TMEM223: variants seen among roughly 807,000 people sequenced by gnomAD.
TMEM223 encodes the protein transmembrane protein 223.
TMEM223 carries 14 observed loss-of-function variants against 14.1 expected under a neutral mutation model. That is an observed-to-expected ratio of 0.99 (90% CI 0.66 to 1.55). TMEM223 has a LOEUF of 1.55. Ranked by LOEUF, TMEM223 falls within the 40% of genes most tolerant of loss-of-function variation. The pLI, the probability that TMEM223 is intolerant of heterozygous loss-of-function variation, is 0.00. For synonymous variants in TMEM223, 145 were observed against 120.5 expected (o/e 1.20, Z -1.33); for missense variants, 346 against 269.9 (o/e 1.28, Z -1.97).
downstream of TMEM223, chr11:62,782,574 C>A: frequency 6.9e-7 from 1 of 1,450,848 alleles, no homozygotes; most frequent in Non-Finnish European, 9.4e-7. Context: ...CAGCCTTCTT[C>A]ACTTAACCCC....
chr11:62,790,074 C>T lies in TMEM223; in HGVS notation c.*549G>A, dbSNP rs1224713770. ...GAATAAGCGGAGTGCTTCCTGCAGCCGAAGACTCCATGCCCAAGTGCCTGT... is the reference window on the plus strand; with the variant it reads ...GAATAAGCGGAGTGCTTCCTGCAGCTGAAGACTCCATGCCCAAGTGCCTGT... On this transcript the variant is annotated 3_prime_UTR_variant, in exon 2 of 2. Coordinates refer to ENST00000307366, the MANE Select transcript of TMEM223 (RefSeq NM_001080501.3). 7.6e-6 allele frequency: 12 copies of T among 1,580,214 alleles called. No individual in the cohort carries two copies. Among genetic ancestry groups the T allele is most frequent in the Admixed American group, 1.8e-5 (1 of 56,686 alleles).
At chr11:62,787,569 C>G (rs373062319), downstream of TMEM223, 6 of 1,495,794 alleles carry the variant, frequency 4.0e-6, no homozygotes, top group Middle Eastern at 2.4e-4. Flanking sequence ...GGGAGCTGGC[C>G]GGTCTGGACA....
At chr11:62,772,867 G>A (rs1291368167) in intron 2 of TMEM223, among the ~76,000 whole-genome samples, 2 of 144,668 alleles carry the variant, frequency 1.4e-5, no homozygotes, top group Non-Finnish European at 3.0e-5. Flanking sequence ...TTTTTTGTTT[G>A]TTTTTGTTTT....
At chr11:62,778,572 C>T in intron 1 of TMEM223, 1 of 622,744 alleles carries the variant, frequency 1.6e-6, no homozygotes, top group Non-Finnish European at 2.8e-6. Flanking sequence ...GTCTGGGCAG[C>T]ATGCTGGGGC....
chr11:62,783,994 C>T (rs2084250111), downstream of TMEM223, among the ~76,000 whole-genome samples: 1 of 2,224 alleles, frequency 4.5e-4, no homozygotes, highest in African/African-American at 1.9e-3. Flanking sequence ...GGCGCCACTA[C>T]ACTCCAGCCC....
chr11:62,786,275 C>T (rs775781375), downstream of TMEM223: 1 of 1,613,758 alleles, frequency 6.2e-7, no homozygotes, highest in South Asian at 1.1e-5. Flanking sequence ...AGAACGAGTC[C>T]TGTACCCACA....
At chr11:62,782,877 G>GA (rs760543422), downstream of TMEM223, 3 of 1,600,758 alleles carry the variant, frequency 1.9e-6, no homozygotes, top group Non-Finnish European at 2.6e-6. Flanking sequence ...ATTTGTGTTA[G>GA]AAAAATAGTA....
At chr11:62,772,011 ATAGAG>A (rs376374747) in exon 3 of TMEM223, 11 of 443,440 alleles carry the variant, frequency 2.5e-5, no homozygotes, top group East Asian at 7.0e-5. Context: ...TGAATGCGGT[ATAGAG>A]TAAAGATTAG....
At chr11:62,789,685 A>T, downstream of TMEM223, 1 of 1,537,132 alleles carries the variant, frequency 6.5e-7, no homozygotes, top group Non-Finnish European at 8.7e-7. Context: ...CTGAAGTGAG[A>T]CCCAAGGATA....
chr11:62,777,962 T>A, intron 1 of TMEM223: 1 of 1,613,618 alleles, frequency 6.2e-7, no homozygotes, highest in South Asian at 1.1e-5. Flanking sequence ...TGCTCTCCAA[T>A]TCCCTTTTTC....
intron 1 of TMEM223, chr11:62,778,958 A>G (rs367670990): frequency 6.2e-7 from 1 of 1,610,860 alleles, no homozygotes; most frequent in Admixed American, 1.7e-5. Context: ...TCCGCAACTG[A>G]TGAAGGTGAG....
At chr11:62,779,017 C>CTTTTT in intron 1 of TMEM223, 1 of 1,263,844 alleles carries the variant, frequency 7.9e-7, no homozygotes, top group Non-Finnish European at 1.1e-6. Context: ...AATTCTAGAC[C>CTTTTT]TGTTTTTTTT....
chr11:62,782,515 C>G, downstream of TMEM223: 5 of 1,064,036 alleles, frequency 4.7e-6, no homozygotes, highest in Non-Finnish European at 6.7e-6. Context: ...TACAAATACG[C>G]CAAGGTATTG....
chr11:62,791,292 C>G (rs187276277), intron 1 of TMEM223, among the ~76,000 whole-genome samples: 2 of 152,010 alleles, frequency 1.3e-5, no homozygotes, highest in East Asian at 3.9e-4. Flanking sequence ...GAGTCTCGCT[C>G]GGTCGCTTAG....
chr11:62,777,743 C>T (rs1324592625), intron 1 of TMEM223, among the ~76,000 whole-genome samples: 2 of 152,042 alleles, frequency 1.3e-5, no homozygotes, highest in Admixed American at 6.6e-5. Context: ...GGCTCAGGAC[C>T]CTTCCAGTTA....
chr11:62,778,853 G>C, intron 1 of TMEM223: 1 of 1,612,344 alleles, frequency 6.2e-7, no homozygotes. Flanking sequence ...CCTGCTTCCT[G>C]CCTGTCCTCT....
chr11:62,771,897 T>A (rs2084150632), exon 3 of TMEM223: 2 of 315,428 alleles, frequency 6.3e-6, no homozygotes. Context: ...AACTGCAGCT[T>A]CACAACGATC....
downstream of TMEM223, chr11:62,786,819 G>C (rs765313518): frequency 6.2e-7 from 1 of 1,606,026 alleles, no homozygotes; most frequent in Non-Finnish European, 8.5e-7. Context: ...CTGCACCCAC[G>C]GCTCCGCGGC....
chr11:62,779,294 A>C (rs1354684380), intron 1 of TMEM223, among the ~76,000 whole-genome samples: 1 of 152,112 alleles, frequency 6.6e-6, no homozygotes, highest in African/African-American at 2.4e-5. Context: ...TCCTGGGTTC[A>C]TGCCATTCTC....
Sources: allele counts gnomAD v4.1 joint callset (sites outside exome capture counted in the v4.1 genomes callset), GRCh38; gene constraint gnomAD v4.1.1; transcripts MANE v1.5; gene names NCBI Gene and HGNC (gene_info 2026-07-23, HGNC 2026-07-21).